Variants in SPON1 observed in about 807,000 individuals in gnomAD.
The protein encoded by SPON1 is spondin-1.
In SPON1, 52 loss-of-function variants were observed where a neutral mutation model predicts 111.7. The observed-to-expected ratio is 0.47, with a 90% CI of 0.37 to 0.59. SPON1 has a LOEUF of 0.59. Among genes scored for constraint, SPON1 ranks in the 20% least tolerant of loss-of-function variants. SPON1 has a pLI of 0.00. For synonymous variants in SPON1, 410 were observed against 395.8 expected (o/e 1.04, Z -0.43); for missense variants, 957 against 1,068.5 (o/e 0.90, Z 1.46).
intron 5 of SPON1, among the ~76,000 whole-genome samples, chr11:14,134,417 A>G (rs954298448): frequency 9.2e-5 from 14 of 152,186 alleles, no homozygotes; most frequent in African/African-American, 3.4e-4. Context: ...GCTCCAGCCC[A>G]GATCTTACTC....
intron 2 of SPON1, among the ~76,000 whole-genome samples, chr11:14,023,949 C>T (rs1291536759): frequency 2.0e-5 from 3 of 151,786 alleles, no homozygotes; most frequent in Admixed American, 2.0e-4. Context: ...TTGGAGTGAG[C>T]CAAGATTGGG....
chr11:14,137,414 TTTA>T (rs1264652020), intron 6 of SPON1, among the ~76,000 whole-genome samples: 31 of 152,068 alleles, frequency 2.0e-4, no homozygotes, highest in Non-Finnish European at 5.9e-5. Context: ...TAATAATAAG[TTTA>T]ATTATGGGTA....
At position 14,162,399 on chromosome 11, in the gene SPON1, A is replaced by G. The variant is rs942365841; in HGVS notation, c.825+26831A>G. 2.6e-5 allele frequency among the ~76,000 whole-genome samples: 4 copies of G among 152,130 alleles called. No individual in the cohort carries two copies. In the South Asian group the frequency reaches 6.2e-4, roughly 24 times the overall value. On this transcript the variant is annotated intron_variant, in intron 6 of 15. Transcript: ENST00000576479. Reference sequence around the variant, plus strand: ...AGGGAATTTAAAAATTAATACATGGATATGTCAAATAGTTTAACTTAAATC... The same window carrying G: ...AGGGAATTTAAAAATTAATACATGGGTATGTCAAATAGTTTAACTTAAATC...
intron 2 of SPON1, among the ~76,000 whole-genome samples, chr11:14,005,238 C>T (rs1848350190): frequency 6.6e-6 from 1 of 152,190 alleles, no homozygotes; most frequent in Non-Finnish European, 1.5e-5. Context: ...TTGGCAGCTG[C>T]CCTGTGTCCT....
chr11:14,091,959 T>C (rs1849062814), intron 5 of SPON1, among the ~76,000 whole-genome samples: 1 of 152,188 alleles, frequency 6.6e-6, no homozygotes, highest in African/African-American at 2.4e-5. Flanking sequence ...TTGCACTTCC[T>C]GGGCAAGGCG....
At chr11:14,156,660 G>A (rs998125960) in intron 6 of SPON1, among the ~76,000 whole-genome samples, 1 of 152,178 alleles carries the variant, frequency 6.6e-6, no homozygotes, top group East Asian at 1.9e-4. Context: ...CCATCTTGAA[G>A]TAATTTTTGT....
At chr11:14,155,442 G>A (rs1452058779) in intron 6 of SPON1, among the ~76,000 whole-genome samples, 1 of 152,132 alleles carries the variant, frequency 6.6e-6, no homozygotes, top group Admixed American at 6.5e-5. Flanking sequence ...TGTCCTACAT[G>A]GCTGGAGCAG....
At chr11:14,234,586 C>T (rs1270261741) in intron 6 of SPON1, among the ~76,000 whole-genome samples, 2 of 152,204 alleles carry the variant, frequency 1.3e-5, no homozygotes, top group Non-Finnish European at 2.9e-5. Context: ...ATGGCCAGTG[C>T]CAGCACACAG....
chr11:14,124,409 C>T (rs1346093350), intron 5 of SPON1, among the ~76,000 whole-genome samples: 1 of 152,204 alleles, frequency 6.6e-6, no homozygotes, highest in African/African-American at 2.4e-5. Context: ...GGGTTAAGTG[C>T]CCCCTTATTT....
At chr11:14,042,508 A>G (rs1231202556) in intron 3 of SPON1, among the ~76,000 whole-genome samples, 2 of 152,196 alleles carry the variant, frequency 1.3e-5, no homozygotes, top group East Asian at 3.9e-4. Flanking sequence ...TTGAAGTCCT[A>G]TATGGAATGA....
At chr11:14,190,871 C>T (rs1848339796) in intron 6 of SPON1, among the ~76,000 whole-genome samples, 1 of 151,932 alleles carries the variant, frequency 6.6e-6, no homozygotes, top group Non-Finnish European at 1.5e-5. Context: ...GAACTCCTGA[C>T]CTCATGATCT....
intron 6 of SPON1, among the ~76,000 whole-genome samples, chr11:14,195,570 A>G (rs542898788): frequency 6.6e-6 from 1 of 152,330 alleles, no homozygotes; most frequent in South Asian, 2.1e-4. Context: ...CAGGTCCTAT[A>G]CTTGGGCCTG....
chr11:14,010,137 G>T (rs112342914), intron 2 of SPON1, among the ~76,000 whole-genome samples: 1 of 152,158 alleles, frequency 6.6e-6, no homozygotes, highest in Admixed American at 6.5e-5. Flanking sequence ...GGAGGAGAAG[G>T]TTTAGTGGAA....
At chr11:14,090,203 A>G (rs1234098104) in intron 5 of SPON1, among the ~76,000 whole-genome samples, 1 of 85,938 alleles carries the variant, frequency 1.2e-5, no homozygotes, top group Non-Finnish European at 3.3e-5. Context: ...GGGTATGAAA[A>G]AAAAAAAAAA....
chr11:14,189,823 G>A (rs1211301900), intron 6 of SPON1, among the ~76,000 whole-genome samples: 1 of 152,144 alleles, frequency 6.6e-6, no homozygotes, highest in Non-Finnish European at 1.5e-5. Flanking sequence ...TCCCTCAAGA[G>A]AAGACTAAAA....
intron 1 of SPON1, among the ~76,000 whole-genome samples, chr11:13,966,857 A>AT (rs1388078226): frequency 1.3e-5 from 2 of 152,118 alleles, no homozygotes; most frequent in Non-Finnish European, 2.9e-5. Context: ...GGGTGTTTTG[A>AT]TTTTTTCCCA....
At chr11:14,009,418 C>G (rs577605661) in intron 2 of SPON1, among the ~76,000 whole-genome samples, 2 of 152,228 alleles carry the variant, frequency 1.3e-5, no homozygotes, top group South Asian at 2.1e-4. Context: ...TAGAACATTC[C>G]CCTCTGCCCC....
chr11:14,075,815 A>AT (rs1848913365), intron 4 of SPON1, among the ~76,000 whole-genome samples: 1 of 152,172 alleles, frequency 6.6e-6, no homozygotes. Flanking sequence ...CACCCAGACA[A>AT]TATGGGAGGA....
intron 5 of SPON1, among the ~76,000 whole-genome samples, chr11:14,102,443 G>A (rs1849151258): frequency 6.6e-6 from 1 of 152,030 alleles, no homozygotes; most frequent in Non-Finnish European, 1.5e-5. Context: ...TTCATAATAT[G>A]ATCCATTGTA....
Sources: gnomAD v4.1 joint callset for allele counts (sites outside exome capture counted in the v4.1 genomes callset) on GRCh38, gnomAD v4.1.1 for gene constraint, MANE v1.5 for transcripts, NCBI Gene and HGNC (gene_info 2026-07-23, HGNC 2026-07-21) for gene names.